ZNF682: variants seen among roughly 807,000 people sequenced by gnomAD.
The protein encoded by ZNF682 is zinc finger protein 682.
ZNF682 carries 29 observed loss-of-function variants against 36.5 expected under a neutral mutation model. That is an observed-to-expected ratio of 0.80 (90% CI 0.59 to 1.08). The LOEUF is 1.08. Among genes scored for constraint, ZNF682 ranks in the 50% least tolerant of loss-of-function variants. ZNF682 has a pLI of 0.00. For missense variants in ZNF682, 561 were observed against 579.7 expected, an observed-to-expected ratio of 0.97 and a Z score of 0.33; for synonymous variants, 180 against 197.0, an observed-to-expected ratio of 0.91 and a Z score of 0.72.
intron 3 of ZNF682, among the ~76,000 whole-genome samples, chr19:20,010,019 C>T (rs965789593): frequency 6.6e-6 from 1 of 150,682 alleles, no homozygotes; most frequent in East Asian, 1.9e-4. Flanking sequence ...GACTCCATCT[C>T]AACAACAACA....
At position 20,015,344 on chromosome 19, in the gene ZNF682, A is replaced by C. The variant is rs188565884; in HGVS notation, c.226+7660T>G. ...TCACAAACAAAATGGGGTAAAACCT[A>C]TTCAGTCAAACACAGAGATAATTAA... On this transcript the variant is annotated intron_variant, in intron 3 of 3. Transcript: ENST00000397165. 4.2e-4 allele frequency: 416 copies of C among 985,362 alleles called. 3 individuals carry two copies. The African/African-American group carries it at 6.9e-3, about 16-fold the overall frequency. 61.0% of individuals were successfully genotyped at this position (985,362 alleles called of 1,614,324 possible). A position where few individuals can be genotyped will look rare whatever the true frequency, so the allele number is the denominator to read the frequency against.
At position 20,038,022 on chromosome 19, in the gene ZNF682, C is replaced by T. The variant is rs565603019; in HGVS notation, c.3+1321G>A. ...TCACTAGACACCTCAGGAGACACAGCCACTGTGGGCATCTCATGTCATCCC... is the reference window on the plus strand; with the variant it reads ...TCACTAGACACCTCAGGAGACACAGTCACTGTGGGCATCTCATGTCATCCC... On this transcript the variant is annotated intron_variant, in intron 1 of 3. Coordinates refer to ENST00000397165, the MANE Select transcript of ZNF682 (RefSeq NM_033196.3). Among the ~76,000 whole-genome samples, 6 of 152,294 alleles carry T rather than the reference C, an allele frequency of 3.9e-5. No homozygotes were observed. The South Asian group carries it at 1.0e-3, about 26-fold the overall frequency.
chr19:19,998,156 A>C (rs1282018811), intron 3 of ZNF682, among the ~76,000 whole-genome samples: 1 of 152,214 alleles, frequency 6.6e-6, no homozygotes, highest in African/African-American at 2.4e-5. Context: ...ACAGGTGACC[A>C]AAAACACTAA....
chr19:20,024,482 T>G, intron 1 of ZNF682, 106 bp from the exon 2 acceptor site: 1 of 1,278,928 alleles, frequency 7.8e-7, no homozygotes. Flanking sequence ...CTGGAATTAT[T>G]CAATCTGCTA....
intron 3 of ZNF682, among the ~76,000 whole-genome samples, chr19:20,017,371 T>C (rs989828305): frequency 6.6e-6 from 1 of 152,116 alleles, no homozygotes; most frequent in Non-Finnish European, 1.5e-5. Flanking sequence ...GATACAAAAA[T>C]ATATTCCATG....
At chr19:20,022,651 G>A (rs2088395903) in intron 3 of ZNF682, among the ~76,000 whole-genome samples, 2 of 151,542 alleles carry the variant, frequency 1.3e-5, no homozygotes, top group South Asian at 2.1e-4. Context: ...CAACACGAGC[G>A]AAACTCTCTC....
intron 1 of ZNF682, chr19:20,034,075 G>C (rs1406535597): frequency 1.9e-5 from 3 of 154,310 alleles, no homozygotes; most frequent in African/African-American, 4.8e-5. Flanking sequence ...GAAATTGAAA[G>C]CATATTGAAG....
chr19:20,011,341 A>T (rs2088286289), intron 3 of ZNF682, among the ~76,000 whole-genome samples: 1 of 152,004 alleles, frequency 6.6e-6, no homozygotes, highest in African/African-American at 2.4e-5. Context: ...TACTGGACCT[A>T]AAAAAAAGAC....
chr19:20,012,026 G>C (rs1051146277), intron 3 of ZNF682, among the ~76,000 whole-genome samples: 2 of 151,602 alleles, frequency 1.3e-5, no homozygotes, highest in Admixed American at 6.6e-5. Context: ...GACAGAGTGA[G>C]ACTCCATCTC....
intron 1 of ZNF682, chr19:20,033,735 G>C (rs2088500513): frequency 6.6e-6 from 1 of 152,266 alleles, no homozygotes; most frequent in Non-Finnish European, 1.5e-5. Context: ...TGTATTTTTA[G>C]TAGAGACAGG....
At chr19:19,995,176 A>G (rs962545114), downstream of ZNF682, among the ~76,000 whole-genome samples, 1 of 152,364 alleles carries the variant, frequency 6.6e-6, no homozygotes, top group African/African-American at 2.4e-5. Context: ...CAATGCAGAT[A>G]TAATAAACAA....
chr19:20,030,836 C>T (rs1403487390), intron 1 of ZNF682: 2 of 152,222 alleles, frequency 1.3e-5, no homozygotes, highest in African/African-American at 2.4e-5. Context: ...GATCAGTCTC[C>T]AGCTCTCCTT....
chr19:20,016,001 C>T (rs969281724), intron 3 of ZNF682, among the ~76,000 whole-genome samples: 3 of 152,134 alleles, frequency 2.0e-5, no homozygotes, highest in Non-Finnish European at 2.9e-5. Context: ...AAGCTTTTTA[C>T]GTGCAGGCAA....
intron 3 of ZNF682, among the ~76,000 whole-genome samples, chr19:19,997,686 G>A (rs117257698): frequency 0.012 from 1,771 of 152,352 alleles, 18 homozygotes; most frequent in South Asian, 0.03. Context: ...CCCAAAAGGT[G>A]GAGGCAAAGA....
At chr19:20,028,968 T>G (rs1004432770) in intron 1 of ZNF682, among the ~76,000 whole-genome samples, 7 of 143,850 alleles carry the variant, frequency 4.9e-5, no homozygotes, top group Non-Finnish European at 6.0e-5. Flanking sequence ...TTTCTTCTTG[T>G]TCTATCACTG....
intron 3 of ZNF682, among the ~76,000 whole-genome samples, chr19:20,014,023 GAATT>G (rs1364424719): frequency 1.2e-4 from 19 of 152,310 alleles, no homozygotes; most frequent in East Asian, 3.9e-4. Context: ...AGGATTTGAA[GAATT>G]AATACTGTAC....
At chr19:19,995,834 G>T (rs1449470440), downstream of ZNF682, among the ~76,000 whole-genome samples, 1 of 151,560 alleles carries the variant, frequency 6.6e-6, no homozygotes, top group Non-Finnish European at 1.5e-5. Flanking sequence ...GTAAATACAT[G>T]AACATAACAT....
At chr19:19,995,883 C>T (rs1348336607), downstream of ZNF682, among the ~76,000 whole-genome samples, 2 of 152,116 alleles carry the variant, frequency 1.3e-5, no homozygotes, top group Admixed American at 6.5e-5. Flanking sequence ...ACAACACACT[C>T]GAAAGTTTGG....
intron 1 of ZNF682, among the ~76,000 whole-genome samples, chr19:20,037,829 G>A (rs995401259): frequency 6.6e-6 from 1 of 152,178 alleles, no homozygotes; most frequent in African/African-American, 2.4e-5. Flanking sequence ...CTAAGAAATG[G>A]AAACTGGGAG....
Sources: gnomAD v4.1 joint callset for allele counts (sites outside exome capture counted in the v4.1 genomes callset) on GRCh38, gnomAD v4.1.1 for gene constraint, MANE v1.5 for transcripts, NCBI Gene and HGNC (gene_info 2026-07-23, HGNC 2026-07-21) for gene names.